Variants in PPARGC1A observed in about 807,000 individuals in gnomAD.
PPARGC1A encodes the protein PPARG coactivator 1 alpha.
In PPARGC1A, 25 loss-of-function variants were observed where a neutral mutation model predicts 88.7. The ratio of observed to expected loss-of-function variants is 0.28; its 90% CI spans 0.21 to 0.39. The LOEUF (loss-of-function observed/expected upper bound fraction) is 0.39. Among genes scored for constraint, PPARGC1A ranks in the 10% least tolerant of loss-of-function variants. The probability of loss-of-function intolerance (pLI) is 1.00; values close to 1 mark genes in which losing one functional copy is unlikely to be tolerated. For missense variants in PPARGC1A, 880 were observed against 968.7 expected, an observed-to-expected ratio of 0.91 and a Z score of 1.22; for synonymous variants, 363 against 355.6, an observed-to-expected ratio of 1.02 and a Z score of -0.24.
chr4:24,257,180 C>T, the PPARGC1A span, among the ~76,000 whole-genome samples: 3 of 151,566 alleles, frequency 2.0e-5, no homozygotes, highest in Non-Finnish European at 4.4e-5. Flanking sequence ...AGGTTGTAGA[C>T]TTTCTGCCTC....
At chr4:24,390,535 T>C in the PPARGC1A span, among the ~76,000 whole-genome samples, 1 of 152,104 alleles carries the variant, frequency 6.6e-6, no homozygotes, top group African/African-American at 2.4e-5. Context: ...TGTGCACGTA[T>C]ACTTATGTAC....
chr4:23,908,561 T>C (rs1006759084), upstream of PPARGC1A, among the ~76,000 whole-genome samples: 1 of 151,324 alleles, frequency 6.6e-6, no homozygotes, highest in Non-Finnish European at 1.5e-5. Context: ...CAGAGAAATA[T>C]ATCTCTTCAA....
chr4:24,284,166 G>A, the PPARGC1A span, among the ~76,000 whole-genome samples: 9 of 151,886 alleles, frequency 5.9e-5, no homozygotes, highest in Non-Finnish European at 1.2e-4. Flanking sequence ...GGGCGTGGTG[G>A]GGCAGGGGGG....
At chr4:24,303,940 T>C in the PPARGC1A span, among the ~76,000 whole-genome samples, 1 of 152,216 alleles carries the variant, frequency 6.6e-6, no homozygotes, top group African/African-American at 2.4e-5. Flanking sequence ...GGAAAATTCT[T>C]TCTGCCATGG....
the PPARGC1A span, among the ~76,000 whole-genome samples, chr4:23,991,970 A>C: frequency 9.0e-4 from 137 of 152,274 alleles, no homozygotes; most frequent in Non-Finnish European, 1.6e-3. Context: ...AGTTCCTGCT[A>C]TCTCATTTTA....
chr4:24,140,503 G>C, the PPARGC1A span, among the ~76,000 whole-genome samples: 4 of 152,168 alleles, frequency 2.6e-5, no homozygotes, highest in African/African-American at 9.7e-5. Flanking sequence ...AAAGGTACCT[G>C]TCGCCAGAAG....
chr4:23,833,821 C>T (rs1043434102), intron 2 of PPARGC1A, among the ~76,000 whole-genome samples: 1 of 152,218 alleles, frequency 6.6e-6, no homozygotes, highest in Non-Finnish European at 1.5e-5. Context: ...ATCCCTCTCA[C>T]GTCCCTGGAT....
At chr4:24,451,213 T>C in the PPARGC1A span, among the ~76,000 whole-genome samples, 1 of 152,216 alleles carries the variant, frequency 6.6e-6, no homozygotes, top group African/African-American at 2.4e-5. Context: ...TGTTTCTATA[T>C]TTGTACTGTG....
the PPARGC1A span, among the ~76,000 whole-genome samples, chr4:24,245,796 A>G: frequency 6.6e-6 from 1 of 152,230 alleles, no homozygotes; most frequent in Non-Finnish European, 1.5e-5. Context: ...TCAAATTTTT[A>G]CATATAATTT....
At chr4:23,923,276 T>C in the PPARGC1A span, among the ~76,000 whole-genome samples, 1 of 152,184 alleles carries the variant, frequency 6.6e-6, no homozygotes, top group South Asian at 2.1e-4. Context: ...CCTTACATTA[T>C]ATGCAGGTCA....
the PPARGC1A span, among the ~76,000 whole-genome samples, chr4:24,147,489 C>T: frequency 1.3e-5 from 2 of 152,132 alleles, no homozygotes; most frequent in South Asian, 2.1e-4. Context: ...GTCTGTCCTG[C>T]CCACAGCCCC....
At chr4:24,025,172 T>C in the PPARGC1A span, among the ~76,000 whole-genome samples, 2 of 152,182 alleles carry the variant, frequency 1.3e-5, no homozygotes, top group East Asian at 3.8e-4. Context: ...TAAAATATGG[T>C]ACACCTAGAG....
the PPARGC1A span, among the ~76,000 whole-genome samples, chr4:24,163,624 C>A: frequency 6.6e-6 from 1 of 152,128 alleles, no homozygotes; most frequent in East Asian, 1.9e-4. Flanking sequence ...GATATTTTTT[C>A]ACTGCCGCAA....
intron 8 of PPARGC1A, 95 bp downstream of exon 8, chr4:23,813,595 A>T: frequency 2.5e-6 from 3 of 1,188,422 alleles, no homozygotes; most frequent in Non-Finnish European, 3.5e-6. Context: ...CAGGGGCCAG[A>T]ATGGCTGCAG....
At chr4:24,180,132 G>A in the PPARGC1A span, among the ~76,000 whole-genome samples, 1 of 152,090 alleles carries the variant, frequency 6.6e-6, no homozygotes, top group African/African-American at 2.4e-5. Context: ...AAAACTTTTA[G>A]TATCATTTAC....
the PPARGC1A span, among the ~76,000 whole-genome samples, chr4:23,984,489 T>C: frequency 6.6e-6 from 1 of 152,130 alleles, no homozygotes; most frequent in Non-Finnish European, 1.5e-5. Flanking sequence ...TGCTTTGGCA[T>C]ATTGTAGATC....
At chr4:24,063,234 G>C in the PPARGC1A span, among the ~76,000 whole-genome samples, 1 of 152,196 alleles carries the variant, frequency 6.6e-6, no homozygotes, top group African/African-American at 2.4e-5. Flanking sequence ...AATTGGTGAA[G>C]TTGGCAGAGA....
intron 2 of PPARGC1A, among the ~76,000 whole-genome samples, chr4:23,869,076 G>A (rs1712692752): frequency 6.6e-6 from 1 of 152,170 alleles, no homozygotes. Flanking sequence ...TGGATGAAAG[G>A]TCAGGTGAAA....
the PPARGC1A span, among the ~76,000 whole-genome samples, chr4:24,013,219 T>G: frequency 1.3e-5 from 2 of 152,154 alleles, no homozygotes; most frequent in Non-Finnish European, 2.9e-5. Context: ...AATTAATTAA[T>G]TTTTTATTTT....
Sources: gnomAD v4.1 joint callset for allele counts (sites outside exome capture counted in the v4.1 genomes callset) on GRCh38, gnomAD v4.1.1 for gene constraint, MANE v1.5 for transcripts, NCBI Gene and HGNC (gene_info 2026-07-23, HGNC 2026-07-21) for gene names.